Variants in GNA12 observed in about 807,000 individuals in gnomAD.
The protein encoded by GNA12 is G protein subunit alpha 12, also known as guanine nucleotide-binding protein subunit alpha-12.
GNA12 carries 9 observed loss-of-function variants against 26.0 expected under a neutral mutation model. That is an observed-to-expected ratio of 0.35 (90% CI 0.21 to 0.60). GNA12 has a LOEUF of 0.60. GNA12 is among the 20% of genes least tolerant of loss of function. The probability of loss-of-function intolerance (pLI) is 0.78; values close to 1 mark genes in which losing one functional copy is unlikely to be tolerated. For synonymous variants in GNA12, 264 were observed against 219.6 expected (o/e 1.20, Z -1.79); for missense variants, 405 against 525.8 (o/e 0.77, Z 2.25).
chr7:2,834,455 TGA>T (rs1778771004), intron 1 of GNA12, among the ~76,000 whole-genome samples: 1 of 152,202 alleles, frequency 6.6e-6, no homozygotes, highest in African/African-American at 2.4e-5. Flanking sequence ...CTCCCCAGCT[TGA>T]GAGTGCGAGT....
intron 2 of GNA12, among the ~76,000 whole-genome samples, chr7:2,761,242 G>A (rs1002754000): frequency 4.6e-5 from 7 of 152,116 alleles, no homozygotes; most frequent in African/African-American, 1.7e-4. Context: ...TCCCGGCCGT[G>A]GATGGCACAG....
intron 1 of GNA12, among the ~76,000 whole-genome samples, chr7:2,831,164 A>C (rs1252918789): frequency 6.6e-6 from 1 of 151,822 alleles, no homozygotes; most frequent in Non-Finnish European, 1.5e-5. Context: ...TGGTATGTTT[A>C]AAAACAGTCT....
chr7:2,799,384 A>T (rs1792754082), intron 1 of GNA12, among the ~76,000 whole-genome samples: 1 of 152,206 alleles, frequency 6.6e-6, no homozygotes, highest in Non-Finnish European at 1.5e-5. Context: ...GTTCGAGACC[A>T]GCCTGGGCAA....
rs761905456 is a variant in GNA12 at position 2,741,103 on chromosome 7, A to G, written c.526-7602T>C. Among the ~76,000 whole-genome samples the G allele has an allele frequency of 3.4e-4, 52 of 152,092 alleles. 1 individual carries two copies. Among genetic ancestry groups the G allele is most frequent in the Middle Eastern group, 3.2e-3 (1 of 316 alleles). ...AAACAAAAAACCACTATAGATTTAGATTCTTCATTTGTATCACAGGGATCA... is the reference window on the plus strand; with the variant it reads ...AAACAAAAAACCACTATAGATTTAGGTTCTTCATTTGTATCACAGGGATCA... On this transcript the variant is annotated intron_variant, in intron 2 of 3. Coordinates refer to ENST00000275364, the MANE Select transcript of GNA12 (RefSeq NM_007353.3).
chr7:2,751,896 G>T (rs921137124), intron 2 of GNA12, among the ~76,000 whole-genome samples: 1 of 152,164 alleles, frequency 6.6e-6, no homozygotes, highest in African/African-American at 2.4e-5. Flanking sequence ...GAAAACTCCA[G>T]GCCTAGATGA....
At chr7:2,813,017 C>G (rs952043819) in intron 1 of GNA12, among the ~76,000 whole-genome samples, 3 of 152,160 alleles carry the variant, frequency 2.0e-5, no homozygotes, top group Non-Finnish European at 4.4e-5. Context: ...AATCATGGCT[C>G]ATTGCAGCCT....
intron 3 of GNA12, among the ~76,000 whole-genome samples, chr7:2,732,931 T>G (rs938572205): frequency 5.3e-5 from 8 of 152,230 alleles, no homozygotes; most frequent in African/African-American, 1.9e-4. Context: ...AAAACATTAA[T>G]GAGACAACAG....
chr7:2,753,885 A>G (rs1309816554), intron 2 of GNA12, among the ~76,000 whole-genome samples: 2 of 152,088 alleles, frequency 1.3e-5, no homozygotes, highest in African/African-American at 4.8e-5. Flanking sequence ...CCTTTTCAGT[A>G]AGGATCATCT....
intron 1 of GNA12, chr7:2,835,618 G>T: frequency 1.4e-6 from 1 of 727,518 alleles, no homozygotes; most frequent in East Asian, 2.6e-5. Context: ...CTCCAGTCCC[G>T]AGATGGTGGC....
intron 3 of GNA12, among the ~76,000 whole-genome samples, chr7:2,732,642 C>T (rs984830533): frequency 2.6e-5 from 4 of 152,186 alleles, no homozygotes; most frequent in African/African-American, 9.7e-5. Context: ...AAACACCAAA[C>T]ACGGACATGA....
chr7:2,830,705 C>T (rs931267366), intron 1 of GNA12, among the ~76,000 whole-genome samples: 6 of 152,234 alleles, frequency 3.9e-5, no homozygotes, highest in Non-Finnish European at 7.3e-5. Flanking sequence ...TCCCACCCAT[C>T]AGAGTAAAGC....
intron 2 of GNA12, among the ~76,000 whole-genome samples, chr7:2,749,912 A>C (rs1205474261): frequency 6.6e-6 from 1 of 152,206 alleles, no homozygotes; most frequent in Non-Finnish European, 1.5e-5. Flanking sequence ...TCTTTGGGGC[A>C]ATTCCTAAAG....
intron 2 of GNA12, among the ~76,000 whole-genome samples, chr7:2,773,713 T>A (rs958960135): frequency 6.6e-6 from 1 of 151,910 alleles, no homozygotes; most frequent in Non-Finnish European, 1.5e-5. Context: ...CTGTGAAAAA[T>A]CCATGAACAC....
At chr7:2,842,902 T>A (rs1779040478) in intron 1 of GNA12, among the ~76,000 whole-genome samples, 1 of 152,172 alleles carries the variant, frequency 6.6e-6, no homozygotes, top group Non-Finnish European at 1.5e-5. Context: ...AGGGCACAGG[T>A]GAATAGGATT....
intron 1 of GNA12, among the ~76,000 whole-genome samples, chr7:2,795,686 C>T (rs945763263): frequency 2.0e-5 from 3 of 151,056 alleles, no homozygotes; most frequent in Admixed American, 1.3e-4. Context: ...ATAAGCACCA[C>T]AGAAAGAAGT....
chr7:2,783,075 T>A (rs910320554), intron 2 of GNA12, among the ~76,000 whole-genome samples: 1 of 152,220 alleles, frequency 6.6e-6, no homozygotes, highest in South Asian at 2.1e-4. Flanking sequence ...GTCCAATATC[T>A]GAAGCATGTA....
intron 1 of GNA12, among the ~76,000 whole-genome samples, chr7:2,836,430 G>T (rs373051120): frequency 4.6e-5 from 7 of 152,234 alleles, no homozygotes; most frequent in Admixed American, 1.3e-4. Flanking sequence ...GGACTTGAGG[G>T]ATGACAAGGC....
intron 2 of GNA12, among the ~76,000 whole-genome samples, chr7:2,773,495 G>C (rs1791999613): frequency 6.6e-6 from 1 of 152,218 alleles, no homozygotes; most frequent in Non-Finnish European, 1.5e-5. Flanking sequence ...CCGGGAGGCA[G>C]AGGCTGCAGT....
chr7:2,741,612 A>G (rs1790508080), intron 2 of GNA12, among the ~76,000 whole-genome samples: 1 of 152,118 alleles, frequency 6.6e-6, no homozygotes, highest in Non-Finnish European at 1.5e-5. Flanking sequence ...AGAATAGTAC[A>G]AAGAGCTCAT....
Sources: allele counts gnomAD v4.1 joint callset (sites outside exome capture counted in the v4.1 genomes callset), GRCh38; gene constraint gnomAD v4.1.1; transcripts MANE v1.5; gene names NCBI Gene and HGNC (gene_info 2026-07-23, HGNC 2026-07-21).